XXYLT1: variants seen among roughly 807,000 people sequenced by gnomAD.
XXYLT1 encodes UDP-xylose:alpha-xyloside alpha-1,3-xylosyltransferase.
A neutral mutation model predicts 28.9 loss-of-function variants in XXYLT1; 20 were observed. That is an observed-to-expected ratio of 0.69 (90% confidence interval 0.49 to 1.00). XXYLT1 has a LOEUF of 1.00. Ranked by LOEUF, XXYLT1 falls within the 50% of genes least tolerant of loss-of-function variation. The pLI is 0.00. For synonymous variants in XXYLT1, 257 were observed against 253.8 expected, an observed-to-expected ratio of 1.01 and a Z score of -0.12; for missense variants, 542 against 560.1, an observed-to-expected ratio of 0.97 and a Z score of 0.33.
chr3:195,144,064 T>G (rs1479271655), intron 3 of XXYLT1, among the ~76,000 whole-genome samples: 1 of 148,850 alleles, frequency 6.7e-6, no homozygotes, highest in Non-Finnish European at 1.5e-5. Flanking sequence ...CAGCTGATTT[T>G]TGTATTTTTA....
intron 3 of XXYLT1, among the ~76,000 whole-genome samples, chr3:195,089,312 A>T (rs1715997679): frequency 6.6e-6 from 1 of 152,240 alleles, no homozygotes; most frequent in South Asian, 2.1e-4. Context: ...AGCCCATCAG[A>T]CTAACAGTGG....
At chr3:195,161,512 T>C (rs1720868634) in intron 2 of XXYLT1, among the ~76,000 whole-genome samples, 1 of 151,874 alleles carries the variant, frequency 6.6e-6, no homozygotes. Flanking sequence ...CCAAGAAGCA[T>C]GAAGACTATT....
chr3:195,250,564 C>CA (rs112929194), intron 1 of XXYLT1, among the ~76,000 whole-genome samples: 4,964 of 107,150 alleles, frequency 0.046, 155 homozygotes, highest in East Asian at 0.13. Context: ...AACTCCATCT[C>CA]AAAAAAAAAA....
At chr3:195,251,259 C>A (rs1240556124) in intron 1 of XXYLT1, among the ~76,000 whole-genome samples, 6 of 152,388 alleles carry the variant, frequency 3.9e-5, no homozygotes, top group East Asian at 3.9e-4. Context: ...CACTTGCTAA[C>A]TGCAAAAATC....
chr3:195,267,375 C>T (rs1725877618), intron 1 of XXYLT1, among the ~76,000 whole-genome samples: 2 of 152,224 alleles, frequency 1.3e-5, no homozygotes, highest in Non-Finnish European at 2.9e-5. Context: ...GGAAATACAG[C>T]ACAAAGGGAA....
chr3:195,174,512 T>C (rs1403236523), intron 2 of XXYLT1, among the ~76,000 whole-genome samples: 1 of 151,860 alleles, frequency 6.6e-6, no homozygotes, highest in African/African-American at 2.4e-5. Context: ...TTAATTTTAA[T>C]TTTTTTTAAA....
Position 195,076,298 on chromosome 3 carries a change from C to A in XXYLT1, c.786-6187G>T, listed in dbSNP as rs562966489. Among the ~76,000 whole-genome samples the A allele has an allele frequency of 2.0e-3, 224 of 109,952 alleles. 2 individuals are homozygous for A. The East Asian group carries it at 0.27, about 132-fold the overall frequency. 72.1% of individuals were successfully genotyped at this position (109,952 alleles called of 152,430 possible). ...AGTGTTACCACCCACCCCACACCCACCCGTTCCAGAGAGGAAGAAGCCCGC... is the reference window on the plus strand; with the variant it reads ...AGTGTTACCACCCACCCCACACCCAACCGTTCCAGAGAGGAAGAAGCCCGC... On this transcript the variant is annotated intron_variant, in intron 3 of 3. Transcript: ENST00000310380. This position sits in a 1 kb window ranked among gnomAD's most constrained non-coding sequence, Gnocchi z 5.3.
At chr3:195,204,052 A>G (rs1026547258) in intron 2 of XXYLT1, among the ~76,000 whole-genome samples, 5 of 152,196 alleles carry the variant, frequency 3.3e-5, no homozygotes, top group African/African-American at 9.7e-5. Context: ...GTGTTAGAGA[A>G]AACTATCATT....
chr3:195,125,170 G>A (rs1166742466), intron 3 of XXYLT1, among the ~76,000 whole-genome samples: 1 of 152,264 alleles, frequency 6.6e-6, no homozygotes, highest in Admixed American at 6.5e-5. Flanking sequence ...GGAAGACAGT[G>A]ACGTCAGAGA....
At chr3:195,143,172 A>G (rs1449523791) in intron 3 of XXYLT1, among the ~76,000 whole-genome samples, 2 of 152,248 alleles carry the variant, frequency 1.3e-5, no homozygotes, top group African/African-American at 4.8e-5. Flanking sequence ...ATTTCAAGTA[A>G]CAGGAGAAAA....
chr3:195,156,335 T>G, intron 3 of XXYLT1, 114 bp downstream of exon 3: 1 of 1,502,726 alleles, frequency 6.7e-7, no homozygotes, highest in South Asian at 1.3e-5. Flanking sequence ...CCCAAGATAC[T>G]AAGTGCAGAA....
intron 2 of XXYLT1, among the ~76,000 whole-genome samples, chr3:195,196,142 C>T (rs1465833554): frequency 6.6e-6 from 1 of 152,252 alleles, no homozygotes; most frequent in African/African-American, 2.4e-5. Context: ...AATAGAGTAG[C>T]TGCTAGTCAC....
chr3:195,250,059 G>A (rs1255841165), intron 1 of XXYLT1, among the ~76,000 whole-genome samples: 1 of 152,138 alleles, frequency 6.6e-6, no homozygotes, highest in Non-Finnish European at 1.5e-5. Flanking sequence ...TCACTCTGAT[G>A]CAGGCTGGGA....
intron 2 of XXYLT1, among the ~76,000 whole-genome samples, chr3:195,175,388 C>T (rs1038760874): frequency 1.9e-4 from 29 of 152,314 alleles, no homozygotes; most frequent in Non-Finnish European, 2.1e-4. Context: ...TGGGGGAATG[C>T]GGACAGAAGG....
At chr3:195,125,693 A>AT (rs1718582941) in intron 3 of XXYLT1, among the ~76,000 whole-genome samples, 1 of 152,226 alleles carries the variant, frequency 6.6e-6, no homozygotes, top group African/African-American at 2.4e-5. Flanking sequence ...AGCCATATTG[A>AT]TTTTCAACTG....
chr3:195,154,133 C>T (rs1298349981), intron 3 of XXYLT1: 1 of 152,178 alleles, frequency 6.6e-6, no homozygotes, highest in Non-Finnish European at 1.5e-5. Flanking sequence ...CCACCACCAC[C>T]AGGAATGTCA....
chr3:195,142,931 T>A (rs367968482), intron 3 of XXYLT1, among the ~76,000 whole-genome samples: 8 of 152,344 alleles, frequency 5.3e-5, no homozygotes, highest in South Asian at 4.1e-4. Flanking sequence ...CCCAAAAGCA[T>A]CTTCGGGCAC....
intron 3 of XXYLT1, among the ~76,000 whole-genome samples, chr3:195,134,868 T>TGTGTGTGC (rs996449867): frequency 3.0e-5 from 3 of 100,124 alleles, no homozygotes; most frequent in Non-Finnish European, 4.2e-5. Flanking sequence ...TGTGTGTGTG[T>TGTGTGTGC]GCGTGTGCGC....
chr3:195,180,433 C>T lies in XXYLT1; in HGVS notation c.653-23852G>A. ...TCGCCGATTCCCGAGCTGTTTCCTG[C>T]TGCTTTTCTCATTTCATGAACTTCT... On this transcript the variant is annotated intron_variant, in intron 2 of 3. Coordinates refer to ENST00000310380, the MANE Select transcript of XXYLT1 (RefSeq NM_152531.5). The surrounding 1 kb of genome is among the most constrained non-coding windows in gnomAD (Gnocchi z 5.8). 1.0e-6 allele frequency: 1 copy of T among 985,774 alleles called. No homozygotes were observed. The highest frequency in any genetic ancestry group is 1.2e-6 in the Non-Finnish European group (1 of 830,198). The allele number at this position is 985,774 out of a possible 1,614,324, so 61.1% of individuals were successfully genotyped here.
Sources: allele counts gnomAD v4.1 joint callset (sites outside exome capture counted in the v4.1 genomes callset), GRCh38; gene constraint gnomAD v4.1.1; non-coding constraint Gnocchi (gnomAD v3.1); transcripts MANE v1.5; gene names NCBI Gene and HGNC (gene_info 2026-07-23, HGNC 2026-07-21).